Variants in LRRTM4 observed in about 807,000 individuals in gnomAD.
LRRTM4 encodes leucine-rich repeat transmembrane neuronal protein 4.
Under a neutral mutation model 47.6 loss-of-function variants are expected in LRRTM4, and 25 were observed. The ratio of observed to expected loss-of-function variants is 0.53; its 90% confidence interval spans 0.38 to 0.73. LRRTM4 has a LOEUF of 0.73. Among genes scored for constraint, LRRTM4 ranks in the 30% least tolerant of loss-of-function variants. LRRTM4 has a pLI of 0.00. For missense variants in LRRTM4, 638 were observed against 713.4 expected (o/e 0.89, Z 1.20); for synonymous variants, 311 against 269.5 (o/e 1.15, Z -1.51).
chr2:76,998,207 G>A (rs1366128120), intron 3 of LRRTM4, among the ~76,000 whole-genome samples: 1 of 151,972 alleles, frequency 6.6e-6, no homozygotes, highest in African/African-American at 2.4e-5. Context: ...AAATGGTTGG[G>A]GACTGCTGAT....
intron 3 of LRRTM4, among the ~76,000 whole-genome samples, chr2:77,350,242 C>A (rs190829745): frequency 7.3e-6 from 1 of 137,624 alleles, no homozygotes; most frequent in Admixed American, 8.0e-5. Flanking sequence ...AGGAGAATGG[C>A]GTGAACCCGG....
chr2:77,426,537 C>T (rs1410646674), intron 3 of LRRTM4, among the ~76,000 whole-genome samples: 2 of 152,046 alleles, frequency 1.3e-5, no homozygotes, highest in Admixed American at 6.6e-5. Context: ...ATTGTAGTTC[C>T]CATAATTTTC....
chr2:77,124,900 C>G (rs1671614207), intron 3 of LRRTM4, among the ~76,000 whole-genome samples: 1 of 152,066 alleles, frequency 6.6e-6, no homozygotes, highest in Admixed American at 6.6e-5. Context: ...GCAGATATGT[C>G]TTCAGGAAAC....
Position 77,136,319 on chromosome 2 carries a change from C to CG in LRRTM4, c.1551+381998_1551+381999insC, listed in dbSNP as rs199872012. ...TCAGGCAACAACTTTTGCTGTTCAACAATATTTGCTGTTCTGCAGCCTCCG... is the reference window on the plus strand; with the variant it reads ...TCAGGCAACAACTTTTGCTGTTCAACGAATATTTGCTGTTCTGCAGCCTCCG... On this transcript the variant is annotated intron_variant, in intron 3 of 3. Transcript: ENST00000409884. Among the ~76,000 whole-genome samples the CG allele has an allele frequency of 9.1e-3, 1,381 of 152,292 alleles. 25 individuals carry two copies. The highest frequency in any genetic ancestry group is 0.031 in the African/African-American group (1,287 of 41,556).
intron 3 of LRRTM4, among the ~76,000 whole-genome samples, chr2:77,280,797 C>T (rs1676488947): frequency 6.6e-6 from 1 of 151,924 alleles, no homozygotes; most frequent in Non-Finnish European, 1.5e-5. Flanking sequence ...TAAATAAATA[C>T]TTATCATTAT....
At chr2:77,403,035 T>C (rs2103840447) in intron 3 of LRRTM4, among the ~76,000 whole-genome samples, 1 of 152,112 alleles carries the variant, frequency 6.6e-6, no homozygotes, top group East Asian at 1.9e-4. Flanking sequence ...TTTCATGTTT[T>C]ATCTCTGTTA....
intron 3 of LRRTM4, among the ~76,000 whole-genome samples, chr2:77,232,714 T>G (rs62160519): frequency 1.2e-3 from 176 of 152,344 alleles, no homozygotes; most frequent in South Asian, 2.1e-3. Flanking sequence ...ATGAACGTAT[T>G]GTTGCAAACA....
intron 3 of LRRTM4, among the ~76,000 whole-genome samples, chr2:77,196,636 T>C (rs529979978): frequency 6.6e-6 from 1 of 152,034 alleles, no homozygotes; most frequent in Non-Finnish European, 1.5e-5. Context: ...CCCAGCTTAG[T>C]AGGCTGAGGC....
chr2:76,821,070 A>G lies in LRRTM4; in HGVS notation c.1552-72154T>C, dbSNP rs113571928. Among the ~76,000 whole-genome samples the G allele has an allele frequency of 9.8e-3, 1,493 of 151,860 alleles. 26 individuals carry two copies. Among genetic ancestry groups the G allele is most frequent in the African/African-American group, 0.031 (1,287 of 41,490 alleles). On this transcript the variant is annotated intron_variant, in intron 3 of 3. Coordinates refer to ENST00000409884, the MANE Select transcript of LRRTM4 (RefSeq NM_001134745.3). The stretch of plus-strand genomic sequence containing the variant: ...TCCACTGATCCTATAAGTACAAAAC[A>G]TAAGTAGAAGACACTGATGAACACA...
chr2:77,234,512 A>G (rs945323820), intron 3 of LRRTM4, among the ~76,000 whole-genome samples: 4 of 152,216 alleles, frequency 2.6e-5, no homozygotes, highest in African/African-American at 9.6e-5. Context: ...AGTATATTAA[A>G]AATTGATTAT....
At chr2:77,218,217 C>T (rs1169440725) in intron 3 of LRRTM4, among the ~76,000 whole-genome samples, 2 of 152,158 alleles carry the variant, frequency 1.3e-5, no homozygotes, top group African/African-American at 2.4e-5. Context: ...TGGTCTCGAA[C>T]TCCCCACCTC....
chr2:77,290,524 GTA>G (rs1291028130), intron 3 of LRRTM4, among the ~76,000 whole-genome samples: 1 of 151,758 alleles, frequency 6.6e-6, no homozygotes, highest in African/African-American at 2.4e-5. Flanking sequence ...AAAATTTATT[GTA>G]TATATCAAAA....
At chr2:76,856,573 T>A (rs958193868) in intron 3 of LRRTM4, among the ~76,000 whole-genome samples, 8 of 152,122 alleles carry the variant, frequency 5.3e-5, no homozygotes, top group African/African-American at 1.9e-4. Context: ...AAATTTTGTC[T>A]ACAAGAGCCA....
chr2:77,430,652 C>T (rs1675334635), intron 3 of LRRTM4, among the ~76,000 whole-genome samples: 1 of 145,444 alleles, frequency 6.9e-6, no homozygotes, highest in Non-Finnish European at 1.5e-5. Flanking sequence ...ACCCAGGAGG[C>T]GGAGGTTGTG....
chr2:77,510,665 C>T (rs937009027), intron 3 of LRRTM4, among the ~76,000 whole-genome samples: 3 of 151,808 alleles, frequency 2.0e-5, no homozygotes, highest in East Asian at 1.9e-4. Context: ...CTATATATTC[C>T]TATTTTGAAG....
At chr2:77,120,857 A>G (rs1249857129) in intron 3 of LRRTM4, among the ~76,000 whole-genome samples, 1 of 151,864 alleles carries the variant, frequency 6.6e-6, no homozygotes, top group African/African-American at 2.4e-5. Flanking sequence ...TTTTCTACCA[A>G]CATTTCTTGT....
intron 3 of LRRTM4, among the ~76,000 whole-genome samples, chr2:76,948,934 T>C (rs994258255): frequency 6.6e-6 from 1 of 151,896 alleles, no homozygotes; most frequent in Non-Finnish European, 1.5e-5. Context: ...CTGATTTTGA[T>C]AAAGCTATAT....
chr2:77,500,272 A>T (rs1462954141), intron 3 of LRRTM4, among the ~76,000 whole-genome samples: 1 of 151,770 alleles, frequency 6.6e-6, no homozygotes, highest in East Asian at 1.9e-4. Context: ...TAATTAATCA[A>T]CATCATTTCA....
At chr2:77,023,616 T>C (rs1292361650) in intron 3 of LRRTM4, among the ~76,000 whole-genome samples, 2 of 152,192 alleles carry the variant, frequency 1.3e-5, no homozygotes, top group Non-Finnish European at 2.9e-5. Flanking sequence ...TCCACAAATC[T>C]CTTGGTCAGG....
Sources: allele counts gnomAD v4.1 joint callset (sites outside exome capture counted in the v4.1 genomes callset), GRCh38; gene constraint gnomAD v4.1.1; transcripts MANE v1.5; gene names NCBI Gene and HGNC (gene_info 2026-07-23, HGNC 2026-07-21).